SORCS3: variants seen among roughly 807,000 people sequenced by gnomAD.
SORCS3 encodes the protein VPS10 domain-containing receptor SorCS3.
SORCS3 carries 57 observed loss-of-function variants against 146.3 expected under a neutral mutation model. The ratio of observed to expected loss-of-function variants is 0.39; its 90% CI spans 0.31 to 0.49. SORCS3 has a LOEUF of 0.49. Ranked by LOEUF, SORCS3 falls within the 20% of genes least tolerant of loss-of-function variation. The pLI, the probability that SORCS3 is intolerant of heterozygous loss-of-function variation, is 0.92. For synonymous variants in SORCS3, 653 were observed against 618.5 expected (o/e 1.06, Z -0.83); for missense variants, 1,341 against 1,575.5 (o/e 0.85, Z 2.52).
At position 105,260,636 on chromosome 10, in the gene SORCS3, T is replaced by G. The variant is rs552977719; in HGVS notation, c.3444-1695T>G. 4.6e-5 allele frequency among the ~76,000 whole-genome samples: 7 copies of G among 152,332 alleles called. No homozygotes were observed. The East Asian group carries it at 1.3e-3, about 29-fold the overall frequency. On this transcript the variant is annotated intron_variant, in intron 25 of 26. Coordinates refer to ENST00000369701, the MANE Select transcript of SORCS3 (RefSeq NM_014978.3). ...TGTTTTAAACCTATTTTCAGATTTTTTCTTCTGAATTAGCTGCAGGAAACC... is the reference window on the plus strand; with the variant it reads ...TGTTTTAAACCTATTTTCAGATTTTGTCTTCTGAATTAGCTGCAGGAAACC...
intron 1 of SORCS3, among the ~76,000 whole-genome samples, chr10:104,721,167 A>G (rs1308452255): frequency 6.6e-6 from 1 of 152,194 alleles, no homozygotes; most frequent in Non-Finnish European, 1.5e-5. Context: ...GGTGTAAGGA[A>G]GGGATCCAGT....
intron 1 of SORCS3, among the ~76,000 whole-genome samples, chr10:104,826,778 G>A (rs1041443262): frequency 6.6e-6 from 1 of 152,140 alleles, no homozygotes; most frequent in Non-Finnish European, 1.5e-5. Flanking sequence ...AGATTTCTCT[G>A]TAGAATGTGA....
rs990188906 is a variant in SORCS3 at position 104,846,612 on chromosome 10, A to T, written c.695+3753A>T. ...CCATCTACTTCTAAATAGACAAAAG[A>T]TTGTTTAAAAGCATTAATTTGTGTA... On this transcript the variant is annotated intron_variant, in intron 2 of 26. Coordinates refer to ENST00000369701, the MANE Select transcript of SORCS3 (RefSeq NM_014978.3). Among the ~76,000 whole-genome samples, 9 of 152,304 alleles carry T rather than the reference A, an allele frequency of 5.9e-5. No individual in the cohort carries two copies. The East Asian group carries it at 1.5e-3, about 26-fold the overall frequency.
chr10:104,879,197 A>G (rs991779684), intron 2 of SORCS3, among the ~76,000 whole-genome samples: 6 of 152,248 alleles, frequency 3.9e-5, no homozygotes, highest in African/African-American at 1.4e-4. Flanking sequence ...TTTGTAAGTT[A>G]GAAGTCCAGT....
At chr10:105,199,612 C>T (rs1466141495) in intron 14 of SORCS3, among the ~76,000 whole-genome samples, 1 of 152,118 alleles carries the variant, frequency 6.6e-6, no homozygotes, top group Non-Finnish European at 1.5e-5. Context: ...AGGCAAAATG[C>T]CAGTGCTTGC....
chr10:104,816,167 G>A (rs2017795883), intron 1 of SORCS3, among the ~76,000 whole-genome samples: 2 of 152,114 alleles, frequency 1.3e-5, no homozygotes, highest in South Asian at 4.1e-4. Flanking sequence ...ATGCTCCCTG[G>A]CAGGTCTGGG....
At chr10:104,971,949 C>T (rs2054863013) in intron 3 of SORCS3, among the ~76,000 whole-genome samples, 2 of 152,080 alleles carry the variant, frequency 1.3e-5, no homozygotes, top group Non-Finnish European at 2.9e-5. Context: ...AGTGTCTAAG[C>T]GTTTATTGGT....
chr10:105,094,897 T>C (rs1188173067), intron 6 of SORCS3, among the ~76,000 whole-genome samples: 4 of 152,112 alleles, frequency 2.6e-5, no homozygotes, highest in African/African-American at 7.2e-5. Flanking sequence ...TGGAGATAGG[T>C]TGGTGAAGGT....
intron 3 of SORCS3, among the ~76,000 whole-genome samples, chr10:104,961,871 A>G (rs1347869693): frequency 6.6e-6 from 1 of 152,162 alleles, no homozygotes; most frequent in African/African-American, 2.4e-5. Flanking sequence ...CACATGATTT[A>G]TTGATTTATT....
intron 5 of SORCS3, among the ~76,000 whole-genome samples, chr10:105,062,650 C>T (rs2055495616): frequency 6.6e-6 from 1 of 152,170 alleles, no homozygotes; most frequent in Non-Finnish European, 1.5e-5. Context: ...GTGTGGAAGA[C>T]CGTCAAGCTC....
At chr10:104,671,151 T>C (rs576495065) in intron 1 of SORCS3, among the ~76,000 whole-genome samples, 1 of 151,818 alleles carries the variant, frequency 6.6e-6, no homozygotes, top group South Asian at 2.1e-4. Context: ...CTTGCCGAAT[T>C]GCTCTGGTTA....
At chr10:105,124,751 C>G (rs937367101) in intron 7 of SORCS3, among the ~76,000 whole-genome samples, 5 of 152,136 alleles carry the variant, frequency 3.3e-5, no homozygotes, top group Non-Finnish European at 7.4e-5. Flanking sequence ...CCACCTCTCC[C>G]TCTAGCCTTG....
chr10:105,076,072 G>A (rs1232690912), intron 5 of SORCS3, among the ~76,000 whole-genome samples: 1 of 152,262 alleles, frequency 6.6e-6, no homozygotes, highest in East Asian at 1.9e-4. Context: ...GGAACCTGGT[G>A]TACATGTTCA....
At chr10:104,903,188 AG>A (rs750424993) in intron 2 of SORCS3, among the ~76,000 whole-genome samples, 1 of 152,216 alleles carries the variant, frequency 6.6e-6, no homozygotes, top group Non-Finnish European at 1.5e-5. Flanking sequence ...TCTATGTCAG[AG>A]GGTCATAGTG....
chr10:104,699,733 G>A (rs1384806032), intron 1 of SORCS3, among the ~76,000 whole-genome samples: 3 of 152,292 alleles, frequency 2.0e-5, no homozygotes, highest in South Asian at 2.1e-4. Flanking sequence ...AGTTTGAAAT[G>A]TCTAAGAATT....
chr10:105,264,148 T>TG lies in SORCS3; in HGVS notation c.*780dup, dbSNP rs1589717675. 6.2e-5 allele frequency: 3 copies of TG among 48,408 alleles called. No individual in the cohort carries two copies. Among genetic ancestry groups the TG allele is most frequent in the African/African-American group, 1.7e-4 (2 of 11,800 alleles). The allele number at this position is 48,408 out of a possible 1,614,324, so 3.0% of individuals were successfully genotyped here. A position where few individuals can be genotyped will look rare whatever the true frequency, so the allele number is the denominator to read the frequency against. On this transcript the variant is annotated 3_prime_UTR_variant, in exon 27 of 27. Coordinates refer to ENST00000369701, the MANE Select transcript of SORCS3 (RefSeq NM_014978.3). Reference sequence around the variant, plus strand: ...TTCTACTTATGTATATAAAGGGGGGTGGGGGGAGGGGCTTCTCTGGGGCAA... The same window carrying TG: ...TTCTACTTATGTATATAAAGGGGGGTGGGGGGGAGGGGCTTCTCTGGGGCAA...
At chr10:104,853,547 A>G (rs2018296724) in intron 2 of SORCS3, among the ~76,000 whole-genome samples, 1 of 152,174 alleles carries the variant, frequency 6.6e-6, no homozygotes, top group Non-Finnish European at 1.5e-5. Flanking sequence ...ATGGATTTAC[A>G]CTCCAGTGAG....
intron 1 of SORCS3, among the ~76,000 whole-genome samples, chr10:104,700,660 G>C (rs377062545): frequency 8.0e-4 from 122 of 152,232 alleles, no homozygotes; most frequent in African/African-American, 2.7e-3. Context: ...AGACTAAAGT[G>C]GGGGTGGGTA....
At chr10:105,262,862 T>A (rs1250348035) in intron 26 of SORCS3, among the ~76,000 whole-genome samples, 2 of 152,258 alleles carry the variant, frequency 1.3e-5, no homozygotes, top group Admixed American at 6.5e-5. Flanking sequence ...GCTCTGCTAA[T>A]CTACTACATC....
Sources: allele counts gnomAD v4.1 joint callset (sites outside exome capture counted in the v4.1 genomes callset), GRCh38; gene constraint gnomAD v4.1.1; transcripts MANE v1.5; gene names NCBI Gene and HGNC (gene_info 2026-07-23, HGNC 2026-07-21).